Variants in KCND2 observed in about 807,000 individuals in gnomAD.
The protein encoded by KCND2 is potassium voltage-gated channel subfamily D member 2, also known as A-type voltage-gated potassium channel KCND2.
Under a neutral mutation model 54.4 loss-of-function variants are expected in KCND2, and 16 were observed. That is an observed-to-expected ratio of 0.29 (90% confidence interval 0.20 to 0.45). The LOEUF is 0.45. Among genes scored for constraint, KCND2 ranks in the 20% least tolerant of loss-of-function variants. KCND2 has a pLI of 1.00. For missense variants in KCND2, 486 were observed against 824.2 expected (o/e 0.59, Z 5.02); for synonymous variants, 317 against 310.7 (o/e 1.02, Z -0.21).
chr7:120,667,826 G>A (rs1791946958), intron 1 of KCND2, among the ~76,000 whole-genome samples: 1 of 151,994 alleles, frequency 6.6e-6, no homozygotes, highest in Non-Finnish European at 1.5e-5. Context: ...GGTTGTGACA[G>A]ACATGTCACT....
chr7:120,293,262 A>C (rs183827439), intron 1 of KCND2, among the ~76,000 whole-genome samples: 5 of 152,102 alleles, frequency 3.3e-5, no homozygotes, highest in African/African-American at 1.2e-4. Context: ...CACAATGGAC[A>C]ATATTCTTCT....
At chr7:120,383,040 A>C (rs1015449114) in intron 1 of KCND2, among the ~76,000 whole-genome samples, 1 of 151,980 alleles carries the variant, frequency 6.6e-6, no homozygotes, top group African/African-American at 2.4e-5. Flanking sequence ...AGTTCTCACC[A>C]ATGACTCACA....
chr7:120,661,760 C>T (rs2116560624), intron 1 of KCND2, among the ~76,000 whole-genome samples: 1 of 152,244 alleles, frequency 6.6e-6, no homozygotes, highest in Non-Finnish European at 1.5e-5. Context: ...TGAAGACTCT[C>T]TTAAGGGTAA....
intron 1 of KCND2, among the ~76,000 whole-genome samples, chr7:120,552,328 A>G (rs956857544): frequency 6.6e-6 from 1 of 152,194 alleles, no homozygotes; most frequent in African/African-American, 2.4e-5. Context: ...ACAAATTAAT[A>G]CTATGTTTTC....
At chr7:120,656,709 C>A (rs1353339807) in intron 1 of KCND2, among the ~76,000 whole-genome samples, 1 of 152,118 alleles carries the variant, frequency 6.6e-6, no homozygotes, top group African/African-American at 2.4e-5. Context: ...CATATGCAGA[C>A]TAATTAATAT....
chr7:120,718,421 A>T (rs1436491101), intron 1 of KCND2, among the ~76,000 whole-genome samples: 1 of 152,128 alleles, frequency 6.6e-6, no homozygotes, highest in Non-Finnish European at 1.5e-5. Context: ...GGTTAGGAAA[A>T]AAATCATGTT....
At chr7:120,681,036 C>A (rs1792132432) in intron 1 of KCND2, among the ~76,000 whole-genome samples, 2 of 152,034 alleles carry the variant, frequency 1.3e-5, no homozygotes, top group Non-Finnish European at 2.9e-5. Flanking sequence ...TAATTCACAT[C>A]CAAGAACTGT....
chr7:120,666,820 G>A (rs542927246), intron 1 of KCND2, among the ~76,000 whole-genome samples: 29 of 151,332 alleles, frequency 1.9e-4, no homozygotes, highest in African/African-American at 6.8e-4. Flanking sequence ...GTAATGCAAG[G>A]GAAAACAAAC....
At chr7:120,705,214 T>C (rs1213046359) in intron 1 of KCND2, among the ~76,000 whole-genome samples, 1 of 152,148 alleles carries the variant, frequency 6.6e-6, no homozygotes, top group Non-Finnish European at 1.5e-5. Context: ...TATTCTGAAA[T>C]CTTGGGCTAC....
At chr7:120,625,082 T>G (rs1793148787) in intron 1 of KCND2, among the ~76,000 whole-genome samples, 2 of 152,196 alleles carry the variant, frequency 1.3e-5, no homozygotes, top group South Asian at 2.1e-4. Context: ...GAATGAGACT[T>G]GGCCCATACT....
intron 2 of KCND2, among the ~76,000 whole-genome samples, chr7:120,741,218 A>G (rs1391243601): frequency 6.6e-6 from 1 of 152,138 alleles, no homozygotes; most frequent in Non-Finnish European, 1.5e-5. Flanking sequence ...AAATATAAGT[A>G]AAGTAATACT....
chr7:120,314,292 C>T (rs1316056006), intron 1 of KCND2, among the ~76,000 whole-genome samples: 1 of 150,734 alleles, frequency 6.6e-6, no homozygotes, highest in Non-Finnish European at 1.5e-5. Context: ...GAGATCGCAC[C>T]ACTGCACCCC....
intron 1 of KCND2, among the ~76,000 whole-genome samples, chr7:120,573,188 A>G (rs1792386843): frequency 6.6e-6 from 1 of 152,248 alleles, no homozygotes; most frequent in African/African-American, 2.4e-5. Context: ...ATAGCAGTTA[A>G]AGTTGCACAT....
chr7:120,403,529 T>A (rs1366430809), intron 1 of KCND2, among the ~76,000 whole-genome samples: 1 of 149,448 alleles, frequency 6.7e-6, no homozygotes, highest in Non-Finnish European at 1.5e-5. Context: ...CAGGGTCTCA[T>A]CATGTGGTCA....
chr7:120,638,093 A>T (rs1303195736), intron 1 of KCND2, among the ~76,000 whole-genome samples: 1 of 152,142 alleles, frequency 6.6e-6, no homozygotes, highest in Non-Finnish European at 1.5e-5. Flanking sequence ...TAAAGGTTGG[A>T]GCAAAAAGTT....
intron 1 of KCND2, among the ~76,000 whole-genome samples, chr7:120,297,733 G>A (rs559883611): frequency 4.4e-4 from 67 of 151,904 alleles, no homozygotes; most frequent in Non-Finnish European, 2.1e-4. Context: ...TTCACAAATG[G>A]CTGTGATTTC....
intron 1 of KCND2, among the ~76,000 whole-genome samples, chr7:120,327,148 C>T (rs1271468489): frequency 6.6e-6 from 1 of 152,032 alleles, no homozygotes; most frequent in Non-Finnish European, 1.5e-5. Flanking sequence ...AGATTTTAAA[C>T]ATGGACTCTA....
chr7:120,349,327 AAC>A (rs145626165), intron 1 of KCND2, among the ~76,000 whole-genome samples: 51 of 144,524 alleles, frequency 3.5e-4, no homozygotes, highest in East Asian at 1.0e-3. Flanking sequence ...CACACACACA[AAC>A]ACACACACAC....
rs1799107056 is a variant in KCND2, at chr7:120,273,298, G to C, written c.-1335G>C. Among the ~76,000 whole-genome samples the C allele has an allele frequency of 6.6e-6, 1 of 151,306 alleles. No homozygotes were observed. The highest frequency in any genetic ancestry group is 1.5e-5 in the Non-Finnish European group (1 of 67,628). ...AGGACCACCCACTGGCGGGGAAGCAGCTAGCAGCCCTCCCGCGCCCCCGCG... is the reference window on the plus strand; with the variant it reads ...AGGACCACCCACTGGCGGGGAAGCACCTAGCAGCCCTCCCGCGCCCCCGCG... On this transcript the variant is annotated 5_prime_UTR_variant, in exon 1 of 6. Transcript: ENST00000331113.
Sources: allele counts gnomAD v4.1 joint callset (sites outside exome capture counted in the v4.1 genomes callset), GRCh38; gene constraint gnomAD v4.1.1; transcripts MANE v1.5; gene names NCBI Gene and HGNC (gene_info 2026-07-23, HGNC 2026-07-21).